FHIT: variants seen among roughly 807,000 people sequenced by gnomAD.
FHIT encodes fragile histidine triad diadenosine triphosphatase.
A neutral mutation model predicts 17.9 loss-of-function variants in FHIT; 19 were observed. The observed-to-expected ratio is 1.06, with a 90% CI of 0.74 to 1.56. FHIT has a LOEUF of 1.56. Ranked by LOEUF, FHIT falls within the 40% of genes most tolerant of loss-of-function variation. The pLI is 0.00. For missense variants in FHIT, 248 were observed against 189.2 expected, an observed-to-expected ratio of 1.31 and a Z score of -1.82; for synonymous variants, 81 against 69.7, an observed-to-expected ratio of 1.16 and a Z score of -0.81.
At chr3:61,099,818 A>C (rs901854041) in intron 2 of FHIT, among the ~76,000 whole-genome samples, 3 of 151,786 alleles carry the variant, frequency 2.0e-5, no homozygotes, top group African/African-American at 7.3e-5. Context: ...CTTCTTTATT[A>C]GTCTAGCTAG....
chr3:60,007,612 C>G (rs899238657), intron 7 of FHIT, among the ~76,000 whole-genome samples: 1 of 152,128 alleles, frequency 6.6e-6, no homozygotes, highest in Non-Finnish European at 1.5e-5. Flanking sequence ...TACAGATTAA[C>G]GAGAGGAAAG....
intron 1 of FHIT, among the ~76,000 whole-genome samples, chr3:61,221,024 A>G (rs766809321): frequency 1.3e-5 from 2 of 152,272 alleles, no homozygotes; most frequent in African/African-American, 4.8e-5. Context: ...TCTGAGGAGC[A>G]GAATACCAAT....
At chr3:60,959,593 G>A (rs1553779970) in intron 3 of FHIT, among the ~76,000 whole-genome samples, 1 of 152,236 alleles carries the variant, frequency 6.6e-6, no homozygotes. Context: ...CTAGTTTGGA[G>A]AGGAGAAAAC....
intron 5 of FHIT, among the ~76,000 whole-genome samples, chr3:60,123,243 C>T (rs1453250121): frequency 6.6e-6 from 1 of 152,200 alleles, no homozygotes; most frequent in East Asian, 1.9e-4. Context: ...AGAAGTAGTA[C>T]AAATGAGAAG....
At chr3:60,402,914 T>C (rs1701717263) in intron 5 of FHIT, among the ~76,000 whole-genome samples, 1 of 152,186 alleles carries the variant, frequency 6.6e-6, no homozygotes, top group African/African-American at 2.4e-5. Context: ...CTACTCTCAT[T>C]CCAGCACTTG....
intron 8 of FHIT, among the ~76,000 whole-genome samples, chr3:59,785,683 ATAG>A (rs1702819517): frequency 6.6e-6 from 1 of 152,170 alleles, no homozygotes; most frequent in Non-Finnish European, 1.5e-5. Flanking sequence ...AGAAACATAA[ATAG>A]TAGTAGCAGT....
chr3:60,100,706 G>A (rs1704156438), intron 5 of FHIT, among the ~76,000 whole-genome samples: 1 of 152,072 alleles, frequency 6.6e-6, no homozygotes, highest in Admixed American at 6.6e-5. Context: ...AAACCAGAGT[G>A]AATTTATTTC....
intron 8 of FHIT, among the ~76,000 whole-genome samples, chr3:59,774,384 TGGA>T (rs1702209558): frequency 6.6e-6 from 1 of 152,238 alleles, no homozygotes; most frequent in Non-Finnish European, 1.5e-5. Flanking sequence ...ATTCCAGAAC[TGGA>T]CCGATTGACT....
intron 2 of FHIT, among the ~76,000 whole-genome samples, chr3:61,046,166 G>C (rs9820783): frequency 2.0e-5 from 3 of 151,896 alleles, no homozygotes; most frequent in South Asian, 2.1e-4. Flanking sequence ...AGATAGAGAC[G>C]CAAAAAACCC....
At chr3:60,514,382 T>G (rs547628516) in intron 5 of FHIT, among the ~76,000 whole-genome samples, 18 of 152,330 alleles carry the variant, frequency 1.2e-4, no homozygotes, top group African/African-American at 4.1e-4. Flanking sequence ...CCCGTTTCCT[T>G]GCACGCTCCC....
intron 4 of FHIT, among the ~76,000 whole-genome samples, chr3:60,627,635 T>C (rs1341317388): frequency 6.6e-6 from 1 of 152,134 alleles, no homozygotes; most frequent in African/African-American, 2.4e-5. Flanking sequence ...GCAATTCTTC[T>C]GCCTCAGCTT....
chr3:60,331,312 A>G lies in FHIT; in HGVS notation c.103+205548T>C, dbSNP rs557021599. On this transcript the variant is annotated intron_variant, in intron 5 of 9. Transcript: ENST00000492590. ...TTCCATTCTTTCCATGGGTGGATAT[A>G]GGTTCCCCTCTCCCCACATGTCCCT... Among the ~76,000 whole-genome samples the G allele has an allele frequency of 1.4e-4, 21 of 152,134 alleles. No individual in the cohort carries two copies. The South Asian group carries it at 3.9e-3, about 29-fold the overall frequency.
intron 5 of FHIT, among the ~76,000 whole-genome samples, chr3:60,492,445 G>A (rs559294546): frequency 6.6e-6 from 1 of 151,964 alleles, no homozygotes; most frequent in South Asian, 2.1e-4. Context: ...TTCTTAAGGT[G>A]CAAGAATTGG....
chr3:60,821,705 G>A (rs782185265), intron 4 of FHIT, among the ~76,000 whole-genome samples: 3 of 152,094 alleles, frequency 2.0e-5, no homozygotes, highest in Non-Finnish European at 2.9e-5. Context: ...TTATTTAACT[G>A]ACATAATATT....
At chr3:59,873,450 TCATTCCAG>T (rs1246031713) in intron 8 of FHIT, among the ~76,000 whole-genome samples, 1 of 152,222 alleles carries the variant, frequency 6.6e-6, no homozygotes, top group Non-Finnish European at 1.5e-5. Flanking sequence ...CATAAATGGT[TCATTCCAG>T]CATTCAAGCC....
intron 5 of FHIT, among the ~76,000 whole-genome samples, chr3:60,141,555 T>C (rs1385969599): frequency 6.6e-6 from 1 of 152,140 alleles, no homozygotes; most frequent in South Asian, 2.1e-4. Flanking sequence ...ATCAAACTCA[T>C]ATAGAATTCC....
chr3:60,294,149 T>C (rs1576434115), intron 5 of FHIT, among the ~76,000 whole-genome samples: 1 of 152,192 alleles, frequency 6.6e-6, no homozygotes, highest in African/African-American at 2.4e-5. Context: ...AGGGAGTGAA[T>C]ATGGGGTCAT....
chr3:61,162,356 A>T (rs73095023), intron 2 of FHIT, among the ~76,000 whole-genome samples: 3 of 152,094 alleles, frequency 2.0e-5, no homozygotes, highest in Admixed American at 2.0e-4. Context: ...GCTTCCTACC[A>T]GGAGAAGGAA....
At chr3:60,251,613 A>G (rs1048251614) in intron 5 of FHIT, among the ~76,000 whole-genome samples, 8 of 152,166 alleles carry the variant, frequency 5.3e-5, no homozygotes, top group Non-Finnish European at 7.3e-5. Context: ...CTGACTCACA[A>G]TAAGATACAC....
Sources: gnomAD v4.1 joint callset for allele counts (sites outside exome capture counted in the v4.1 genomes callset) on GRCh38, gnomAD v4.1.1 for gene constraint, MANE v1.5 for transcripts, NCBI Gene and HGNC (gene_info 2026-07-23, HGNC 2026-07-21) for gene names.